Variants in CELF2 observed in about 807,000 individuals in gnomAD.
CELF2 encodes the protein CUGBP Elav-like family member 2, also known as CUG triplet repeat RNA-binding protein 2.
In CELF2, 8 loss-of-function variants were observed where a neutral mutation model predicts 62.6. The ratio of observed to expected loss-of-function variants is 0.13; its 90% confidence interval spans 0.07 to 0.23. CELF2 has a LOEUF of 0.23. CELF2 is among the 10% of genes least tolerant of loss of function. The pLI, the probability that CELF2 is intolerant of heterozygous loss-of-function variation, is 1.00. For missense variants in CELF2, 333 were observed against 671.0 expected (o/e 0.50, Z 5.56); for synonymous variants, 258 against 250.0 (o/e 1.03, Z -0.30).
rs1259350651 is a variant in CELF2 at position 11,328,395 on chromosome 10, G to GACAGACGATGGAGA, written c.1439-530_1439-517dup. 6.6e-6 allele frequency among the ~76,000 whole-genome samples: 1 copy of GACAGACGATGGAGA among 152,304 alleles called. No homozygotes were observed. Among genetic ancestry groups the GACAGACGATGGAGA allele is most frequent in the Non-Finnish European group, 1.5e-5 (1 of 68,014 alleles). On this transcript the variant is annotated intron_variant, in intron 12 of 12. Coordinates refer to ENST00000633077, the MANE Select transcript of CELF2 (RefSeq NM_001326342.2). The surrounding 1 kb of genome is among the most constrained non-coding windows in gnomAD (Gnocchi z 6.4). ...AGCTAAACAGGTGTAGGCTCTGTGTGACAGACGATGGAGAGCTCGAGTGAC... is the reference window on the plus strand; with the variant it reads ...AGCTAAACAGGTGTAGGCTCTGTGTGACAGACGATGGAGAACAGACGATGGAGAGCTCGAGTGAC...
At chr10:10,653,228 T>G in the CELF2 span, among the ~76,000 whole-genome samples, 3 of 151,882 alleles carry the variant, frequency 2.0e-5, no homozygotes, top group Non-Finnish European at 4.4e-5. Context: ...AAGTCCTGAG[T>G]GACCTACAAA....
At chr10:11,054,297 C>T (rs1270826610) in intron 1 of CELF2, among the ~76,000 whole-genome samples, 1 of 152,112 alleles carries the variant, frequency 6.6e-6, no homozygotes, top group East Asian at 1.9e-4. Context: ...TTCATCTTGC[C>T]CTTATTGTAT....
intron 2 of CELF2, among the ~76,000 whole-genome samples, chr10:10,933,170 G>C (rs1015618616): frequency 2.0e-5 from 3 of 151,796 alleles, no homozygotes; most frequent in African/African-American, 7.3e-5. Context: ...AGGCATGGTG[G>C]CACACGGCTG....
chr10:10,730,366 A>G, the CELF2 span, among the ~76,000 whole-genome samples: 1 of 152,174 alleles, frequency 6.6e-6, no homozygotes, highest in Non-Finnish European at 1.5e-5. Flanking sequence ...AATCCCAGCT[A>G]CTTGGGAGGC....
chr10:11,069,263 A>G (rs138988758), intron 1 of CELF2, among the ~76,000 whole-genome samples: 100 of 152,344 alleles, frequency 6.6e-4, no homozygotes, highest in African/African-American at 2.2e-3. Context: ...ATTTTCTCCC[A>G]TGATAGCAAA....
rs113741302 is a variant in CELF2 at position 11,012,062 on chromosome 10, G to A, written c.53+6622G>A. 1.8e-3 allele frequency among the ~76,000 whole-genome samples: 271 copies of A among 152,242 alleles called. No individual in the cohort carries two copies. The highest frequency in any genetic ancestry group is 6.0e-3 in the African/African-American group (249 of 41,546). ...GCCATTCATCTCTATTAGGAAGTAC[G>A]GAATGGCCACGCTTAAGAAGAAAGG... On this transcript the variant is annotated intron_variant, in intron 1 of 12. Transcript: ENST00000416382. This position sits in a 1 kb window ranked among gnomAD's most constrained non-coding sequence, Gnocchi z 5.5.
chr10:11,152,081 T>C lies in CELF2; in HGVS notation c.75-13405T>C, dbSNP rs2063443775. The stretch of plus-strand genomic sequence containing the variant: ...CCATGGCCCAGTTATATCCTAGACC[T>C]TGGGTTTGACTCCTGTGAATTTTCC... On this transcript the variant is annotated intron_variant, in intron 1 of 12. Coordinates refer to ENST00000633077, the MANE Select transcript of CELF2 (RefSeq NM_001326342.2). 3.3e-5 allele frequency among the ~76,000 whole-genome samples: 5 copies of C among 152,196 alleles called. No individual in the cohort carries two copies. In the South Asian group the frequency reaches 1.0e-3, roughly 32 times the overall value.
chr10:11,021,677 G>A (rs2058343847), intron 1 of CELF2, among the ~76,000 whole-genome samples: 1 of 152,240 alleles, frequency 6.6e-6, no homozygotes, highest in Non-Finnish European at 1.5e-5. Context: ...GATGCTTAAA[G>A]AGGTGACCTG....
chr10:11,087,731 A>C (rs1371177629), intron 1 of CELF2, among the ~76,000 whole-genome samples: 1 of 151,966 alleles, frequency 6.6e-6, no homozygotes, highest in African/African-American at 2.4e-5. Context: ...TTTGAACCCC[A>C]CCCTGCGTTG....
chr10:10,999,975 C>T (rs2054358827), intron 2 of CELF2, among the ~76,000 whole-genome samples: 2 of 152,324 alleles, frequency 1.3e-5, no homozygotes, highest in African/African-American at 2.4e-5. Flanking sequence ...CAAGAATAAA[C>T]TTGGTCCATT....
intron 1 of CELF2, among the ~76,000 whole-genome samples, chr10:10,848,333 A>C (rs1395943116): frequency 1.3e-5 from 2 of 152,146 alleles, no homozygotes; most frequent in African/African-American, 4.8e-5. Context: ...CCCTGTCTGT[A>C]CTTCAGCCTT....
intron 1 of CELF2, among the ~76,000 whole-genome samples, chr10:11,007,990 G>A (rs1361760915): frequency 1.3e-5 from 2 of 152,010 alleles, no homozygotes; most frequent in South Asian, 2.1e-4. Context: ...ACCAGCTCCC[G>A]GAATTTGGAA....
At chr10:11,018,220 C>G in intron 1 of CELF2, 57 bp downstream of exon 1, 2 of 1,442,670 alleles carry the variant, frequency 1.4e-6, no homozygotes, top group Middle Eastern at 1.9e-4. Context: ...CCAGAGTCGG[C>G]GGCGCGAAGG....
chr10:11,012,247 A>G lies in CELF2; in HGVS notation c.53+6807A>G, dbSNP rs1011535983. On this transcript the variant is annotated intron_variant, in intron 1 of 12. Transcript: ENST00000416382. This position sits in a 1 kb window ranked among gnomAD's most constrained non-coding sequence, Gnocchi z 5.5. Reference sequence around the variant, plus strand: ...GCCCTAAAGATTCTGATCTGCATGTACTGGATCAGATATCTTCTGATCCTA... The same window carrying G: ...GCCCTAAAGATTCTGATCTGCATGTGCTGGATCAGATATCTTCTGATCCTA... Among the ~76,000 whole-genome samples the G allele has an allele frequency of 1.3e-5, 2 of 152,228 alleles. No homozygotes were observed. Among genetic ancestry groups the G allele is most frequent in the Admixed American group, 1.3e-4 (2 of 15,290 alleles).
At chr10:11,050,966 G>C (rs1323716385) in intron 1 of CELF2, among the ~76,000 whole-genome samples, 2 of 152,144 alleles carry the variant, frequency 1.3e-5, no homozygotes, top group African/African-American at 4.8e-5. Context: ...GTGAGGAAAG[G>C]AGTGATAATA....
chr10:10,996,275 G>C (rs1246449029), intron 2 of CELF2, among the ~76,000 whole-genome samples: 1 of 152,288 alleles, frequency 6.6e-6, no homozygotes, highest in East Asian at 1.9e-4. Flanking sequence ...CCCTACTCCA[G>C]CCCCCTAGCC....
intron 2 of CELF2, among the ~76,000 whole-genome samples, chr10:11,182,413 C>T (rs893378857): frequency 5.3e-5 from 8 of 152,336 alleles, no homozygotes; most frequent in Non-Finnish European, 1.0e-4. Flanking sequence ...GAAAACTCCA[C>T]TTAGCCAAGT....
At chr10:10,662,253 A>G in the CELF2 span, among the ~76,000 whole-genome samples, 2 of 152,222 alleles carry the variant, frequency 1.3e-5, no homozygotes, top group Admixed American at 6.5e-5. Context: ...AATCCATGCA[A>G]AGAAATGCAC....
rs2054823114 is a variant in CELF2 at position 11,110,382 on chromosome 10, AGAAAAAATGTGAAACGAT to A, written c.75-55100_75-55083del. ...ATTCATCCCCGTCATTGAGTGGAAC[AGAAAAAATGTGAAACGAT>A]GAAGTTTTAGGAAGCCATCTAACGC... On this transcript the variant is annotated intron_variant, in intron 1 of 12. Coordinates refer to ENST00000633077, the MANE Select transcript of CELF2 (RefSeq NM_001326342.2). The surrounding 1 kb of genome is among the most constrained non-coding windows in gnomAD (Gnocchi z 4.0). 6.6e-6 allele frequency among the ~76,000 whole-genome samples: 1 copy of A among 152,234 alleles called. No homozygotes were observed. Among genetic ancestry groups the A allele is most frequent in the Non-Finnish European group, 1.5e-5 (1 of 68,046 alleles).
Sources: allele counts gnomAD v4.1 joint callset (sites outside exome capture counted in the v4.1 genomes callset), GRCh38; gene constraint gnomAD v4.1.1; non-coding constraint Gnocchi (gnomAD v3.1); transcripts MANE v1.5; gene names NCBI Gene and HGNC (gene_info 2026-07-23, HGNC 2026-07-21).